ANKRD6: variants seen among roughly 807,000 people sequenced by gnomAD.
ANKRD6 encodes ankyrin repeat domain 6.
ANKRD6 carries 56 observed loss-of-function variants against 82.3 expected under a neutral mutation model. The observed-to-expected ratio is 0.68, with a 90% confidence interval of 0.55 to 0.85. ANKRD6 has a LOEUF of 0.85. Ranked by LOEUF, ANKRD6 falls within the 40% of genes least tolerant of loss-of-function variation. The probability of loss-of-function intolerance (pLI) is 0.00; values close to 1 mark genes in which losing one functional copy is unlikely to be tolerated. For synonymous variants in ANKRD6, 347 were observed against 352.1 expected, an observed-to-expected ratio of 0.99 and a Z score of 0.16; for missense variants, 852 against 907.6, an observed-to-expected ratio of 0.94 and a Z score of 0.79.
rs1053482925 is a variant in ANKRD6, at chr6:89,464,414, A to G, written c.-144+31039A>G. Among the ~76,000 whole-genome samples, 6 of 152,300 alleles carry G rather than the reference A, an allele frequency of 3.9e-5. No individual in the cohort carries two copies. In the East Asian group the frequency reaches 1.2e-3, roughly 29 times the overall value. On this transcript the variant is annotated intron_variant, in intron 1 of 15. Transcript: ENST00000339746. ...TTCTTTAGTCCCTTCCAACTTAATC[A>G]TCCTTGCCTCCATACAGAAATCCCA...
At chr6:89,535,214 G>T (rs912316067) in intron 1 of ANKRD6, among the ~76,000 whole-genome samples, 6 of 152,168 alleles carry the variant, frequency 3.9e-5, no homozygotes, top group Non-Finnish European at 1.5e-5. Flanking sequence ...TTAGGAGAGG[G>T]GGAGAAGTGT....
chr6:89,623,346 C>T lies in ANKRD6; in HGVS notation c.898-64C>T, dbSNP rs554412548. The stretch of plus-strand genomic sequence containing the variant: ...ATGGAATCTTGCAAAGAATATTTGA[C>T]CATATTAGTGAAAAAGGCCAAGGAA... On this transcript the variant is annotated intron_variant, in intron 10 of 15. Transcript: ENST00000339746. The T allele has an allele frequency of 3.8e-5, 58 of 1,534,600 alleles. 1 individual carries two copies. In the South Asian group the frequency reaches 4.4e-4, roughly 12 times the overall value.
intron 1 of ANKRD6, among the ~76,000 whole-genome samples, chr6:89,475,632 G>T (rs1775954067): frequency 6.6e-6 from 1 of 152,196 alleles, no homozygotes; most frequent in Non-Finnish European, 1.5e-5. Flanking sequence ...TTTTCTGAAT[G>T]AAACTGTCCC....
chr6:89,568,605 G>A (rs1003017028), intron 2 of ANKRD6, among the ~76,000 whole-genome samples: 1 of 151,984 alleles, frequency 6.6e-6, no homozygotes, highest in African/African-American at 2.4e-5. Flanking sequence ...GAGATATAGG[G>A]CCTTTAGGAA....
At chr6:89,592,235 C>T (rs751443916) in intron 2 of ANKRD6, among the ~76,000 whole-genome samples, 24 of 152,078 alleles carry the variant, frequency 1.6e-4, no homozygotes, top group Non-Finnish European at 2.5e-4. Flanking sequence ...CTGGTCTTTG[C>T]GAAGGCAAAG....
chr6:89,451,936 C>A, intron 1 of ANKRD6, among the ~76,000 whole-genome samples: 1 of 152,154 alleles, frequency 6.6e-6, no homozygotes, highest in East Asian at 1.9e-4. Flanking sequence ...GTGGCTCACA[C>A]CTCTAATCCC....
At chr6:89,566,476 A>G (rs1788548821) in intron 1 of ANKRD6, among the ~76,000 whole-genome samples, 1 of 152,234 alleles carries the variant, frequency 6.6e-6, no homozygotes, top group African/African-American at 2.4e-5. Context: ...ATGATCACAC[A>G]CGGTACAGTT....
At chr6:89,509,685 C>G (rs1473660488) in intron 1 of ANKRD6, among the ~76,000 whole-genome samples, 4 of 152,218 alleles carry the variant, frequency 2.6e-5, no homozygotes, top group Non-Finnish European at 4.4e-5. Flanking sequence ...TTGCCAGGTA[C>G]TGTTCTCCCT....
At chr6:89,609,378 T>C (rs1799614455) in intron 5 of ANKRD6, among the ~76,000 whole-genome samples, 1 of 152,116 alleles carries the variant, frequency 6.6e-6, no homozygotes. Context: ...CTCGGCTCAC[T>C]GCAACCTCCG....
intron 2 of ANKRD6, among the ~76,000 whole-genome samples, chr6:89,592,860 G>A (rs562850808): frequency 4.7e-4 from 71 of 152,134 alleles, no homozygotes; most frequent in African/African-American, 1.7e-3. Flanking sequence ...AGGCTGAGGT[G>A]GGAGGATCAC....
intron 1 of ANKRD6, among the ~76,000 whole-genome samples, chr6:89,439,750 G>T (rs1771129675): frequency 6.6e-6 from 1 of 152,068 alleles, no homozygotes; most frequent in Non-Finnish European, 1.5e-5. Flanking sequence ...CCAGGCTGGA[G>T]TGCAGTAGTG....
chr6:89,551,828 A>T (rs1331852235), intron 1 of ANKRD6, among the ~76,000 whole-genome samples: 1 of 152,222 alleles, frequency 6.6e-6, no homozygotes, highest in East Asian at 1.9e-4. Flanking sequence ...CTATCCTGAG[A>T]GAGATGTTTA....
chr6:89,575,421 T>C (rs1790890348), intron 2 of ANKRD6, among the ~76,000 whole-genome samples: 1 of 152,102 alleles, frequency 6.6e-6, no homozygotes, highest in East Asian at 1.9e-4. Context: ...TTTTGGGTTG[T>C]TTTTTGAGCC....
intron 1 of ANKRD6, among the ~76,000 whole-genome samples, chr6:89,458,238 G>A (rs977364006): frequency 2.0e-5 from 3 of 152,198 alleles, no homozygotes; most frequent in African/African-American, 7.2e-5. Flanking sequence ...GAAATTATGA[G>A]GAAAATTGGT....
At position 89,613,794 on chromosome 6, in the gene ANKRD6, A is replaced by G; in HGVS notation, c.519A>G (p.Ala173=). ...TAGAGTTTGATTTTTGTCCGCAGGCAGGAGACACCTGTTTGCACGTTGCTG... is the reference window on the plus strand; with the variant it reads ...TAGAGTTTGATTTTTGTCCGCAGGCGGGAGACACCTGTTTGCACGTTGCTG... ...AGSRADLKNN[A]GDTCLHVAAR... Residue 173 remains alanine (A), a splice_region_variant and synonymous_variant, in exon 7 of 16, where the codon GCA becomes GCG. Transcript: ENST00000339746. 1 of 1,613,814 alleles carries G rather than the reference A, an allele frequency of 6.2e-7. No homozygotes were observed. The highest frequency in any genetic ancestry group is 8.5e-7 in the Non-Finnish European group (1 of 1,179,826).
intron 2 of ANKRD6, among the ~76,000 whole-genome samples, chr6:89,587,464 G>A (rs909237319): frequency 3.3e-5 from 5 of 152,168 alleles, no homozygotes; most frequent in Non-Finnish European, 5.9e-5. Flanking sequence ...CCTCCAGTCT[G>A]GCGACAGAGC....
chr6:89,628,630 C>T (rs1185415662), intron 14 of ANKRD6, among the ~76,000 whole-genome samples: 3 of 152,044 alleles, frequency 2.0e-5, no homozygotes, highest in Non-Finnish European at 4.4e-5. Context: ...CTTAGTCAGG[C>T]GTGGTGGTGG....
chr6:89,578,725 A>G (rs1791746520), intron 2 of ANKRD6, among the ~76,000 whole-genome samples: 1 of 152,158 alleles, frequency 6.6e-6, no homozygotes, highest in South Asian at 2.1e-4. Context: ...GGTGCTTGCC[A>G]TATACTATCT....
intron 1 of ANKRD6, among the ~76,000 whole-genome samples, chr6:89,480,768 T>C (rs1350895274): frequency 6.6e-6 from 1 of 150,550 alleles, no homozygotes; most frequent in East Asian, 1.9e-4. Flanking sequence ...TGAGACCACA[T>C]CTCTACATTT....
Sources: gnomAD v4.1 joint callset for allele counts (sites outside exome capture counted in the v4.1 genomes callset) on GRCh38, gnomAD v4.1.1 for gene constraint, MANE v1.5 for transcripts, NCBI Gene and HGNC (gene_info 2026-07-23, HGNC 2026-07-21) for gene names.